DNAH11: variants seen among roughly 807,000 people sequenced by gnomAD.
DNAH11 encodes the protein dynein axonemal heavy chain 11.
A neutral mutation model predicts 526.0 loss-of-function variants in DNAH11; 442 were observed. The ratio of observed to expected loss-of-function variants is 0.84; its 90% confidence interval spans 0.78 to 0.91. The LOEUF is 0.91. DNAH11 is among the 40% of genes least tolerant of loss of function. DNAH11 has a pLI of 0.00. For synonymous variants in DNAH11, 2,461 were observed against 1,935.9 expected, an observed-to-expected ratio of 1.27 and a Z score of -7.12; for missense variants, 6,989 against 5,448.7, an observed-to-expected ratio of 1.28 and a Z score of -8.90.
rs1396104759 is a variant in DNAH11 at position 21,818,287 on chromosome 7, A to G, written c.10639A>G (p.Ile3547Val). 3 of 1,612,398 alleles carry G rather than the reference A, an allele frequency of 1.9e-6. No homozygotes were observed. The highest frequency in any genetic ancestry group is 2.5e-6 in the Non-Finnish European group (3 of 1,179,076). Residue 3547 changes from isoleucine to valine, a missense_variant, in exon 65 of 82, where the codon ATA becomes GTA. Physicochemically the swap from Ile to Val is conservative, Grantham distance 29. Transcript: ENST00000409508. ...VILIENLEET[I>V]DPVLDPLLGR... is the part of the protein sequence containing the mutation. ...CTTAATTGAAAATCTCGAGGAAACG[A>G]TAGATCCAGTCCTGGATCCACTACT...
In DNAH11 at chr7:21,570,184, A is replaced by G. The variant is rs1783829678; in HGVS notation, c.1310A>G (p.Tyr437Cys). 7 of 1,613,482 alleles carry G rather than the reference A, an allele frequency of 4.3e-6. No individual in the cohort carries two copies. The highest frequency in any genetic ancestry group is 5.9e-6 in the Non-Finnish European group (7 of 1,179,714). ...ACTTTCAAAAACTCCTTTTTCAACT[A>G]TAGAAAAAAATTGGCAAGCTACTTT... is the stretch of plus-strand genomic sequence containing the variant. ...LKTFKNSFFN[Y>C]RKKLASYFMG... The change falls in exon 7 of 82, where the codon TAT (tyrosine) becomes TGT (cysteine). Residue 437 changes from tyrosine to cysteine, a missense_variant. Coordinates refer to ENST00000409508, the MANE Select transcript of DNAH11 (RefSeq NM_001277115.2).
At position 21,738,795 on chromosome 7, in the gene DNAH11, G is replaced by T; in HGVS notation, c.7740G>T (p.Met2580Ile). 1 of 1,601,762 alleles carries T rather than the reference G, an allele frequency of 6.2e-7. No individual in the cohort carries two copies. The highest frequency in any genetic ancestry group is 1.1e-5 in the South Asian group (1 of 88,308). The part of the protein sequence containing the change: ...KLIYFIDDMN[M>I]PEVDLYGTVQ... ...TTTATTTTATCGACGACATGAACAT[G>T]CCTGAAGTGGACTTATATGGCACCG... Residue 2580 changes from methionine (M) to isoleucine (I), a missense_variant, in exon 47 of 82, where the codon ATG (methionine) becomes ATT (isoleucine). Transcript: ENST00000409508.
intron 68 of DNAH11, among the ~76,000 whole-genome samples, chr7:21,857,700 T>C (rs1187300663): frequency 6.6e-6 from 1 of 152,102 alleles, no homozygotes; most frequent in Non-Finnish European, 1.5e-5. Context: ...TGATTTTCAG[T>C]AGGGGTGCCA....
At chr7:21,897,247 C>T (rs559506188) in intron 79 of DNAH11, among the ~76,000 whole-genome samples, 1 of 152,242 alleles carries the variant, frequency 6.6e-6, no homozygotes, top group South Asian at 2.1e-4. Context: ...CAAGACTTCT[C>T]TATTTCCTGG....
At chr7:21,631,629 A>G (rs1298557208) in intron 25 of DNAH11, among the ~76,000 whole-genome samples, 1 of 152,264 alleles carries the variant, frequency 6.6e-6, no homozygotes, top group Non-Finnish European at 1.5e-5. Flanking sequence ...TTAAAGCTCC[A>G]GAATGATCTT....
At chr7:21,652,425 C>G (rs1046934200) in intron 28 of DNAH11, among the ~76,000 whole-genome samples, 1 of 152,128 alleles carries the variant, frequency 6.6e-6, no homozygotes, top group Admixed American at 6.5e-5. Flanking sequence ...AAAAGATGCT[C>G]GTTCTGTACC....
intron 75 of DNAH11, among the ~76,000 whole-genome samples, chr7:21,883,722 C>T (rs1470409923): frequency 6.6e-6 from 1 of 152,160 alleles, no homozygotes; most frequent in Admixed American, 6.6e-5. Flanking sequence ...CAAACATGTT[C>T]TAGGGATGAC....
chr7:21,742,812 T>A (rs994195225), intron 49 of DNAH11, among the ~76,000 whole-genome samples: 5 of 152,234 alleles, frequency 3.3e-5, no homozygotes, highest in Non-Finnish European at 7.3e-5. Context: ...ATATAATGTC[T>A]TTGTCTGCGC....
chr7:21,591,000 A>G lies in DNAH11; in HGVS notation c.2252A>G (p.Lys751Arg), dbSNP rs377077037. Reference protein sequence around the residue: ...DIPDSALAIFKKRNTILKYIG... With the variant: ...DIPDSALAIFRKRNTILKYIG... Reference sequence around the variant, plus strand: ...CCAGATTCAGCTTTAGCCATCTTCAAGAAAAGGAACACTATTTTAAAGGTT... The same window carrying G: ...CCAGATTCAGCTTTAGCCATCTTCAGGAAAAGGAACACTATTTTAAAGGTT... The change falls in exon 13 of 82, where the codon AAG becomes AGG. Residue 751 changes from lysine to arginine, a missense_variant. Lys to Arg is a conservative substitution (Grantham distance 26). Transcript: ENST00000409508. 50 of 1,516,934 alleles carry G rather than the reference A, an allele frequency of 3.3e-5. No homozygotes were observed. Among genetic ancestry groups the G allele is most frequent in the Non-Finnish European group, 3.9e-5 (45 of 1,142,702 alleles). 94.0% of individuals were successfully genotyped at this position (1,516,934 alleles called of 1,614,324 possible).
At chr7:21,638,221 T>C (rs1786958413) in intron 27 of DNAH11, among the ~76,000 whole-genome samples, 1 of 152,238 alleles carries the variant, frequency 6.6e-6, no homozygotes, top group Non-Finnish European at 1.5e-5. Flanking sequence ...TGAGCAGATC[T>C]GCTACTAAAA....
chr7:21,832,357 C>T (rs1781820531), intron 65 of DNAH11, among the ~76,000 whole-genome samples: 3 of 152,128 alleles, frequency 2.0e-5, no homozygotes, highest in Admixed American at 2.0e-4. Flanking sequence ...TCAGGAAAGG[C>T]CTGGTGGTGA....
In DNAH11 at chr7:21,738,751, G is replaced by A. The variant is rs1399609437; in HGVS notation, c.7696G>A (p.Gly2566Arg). 1.3e-6 allele frequency: 2 copies of A among 1,587,288 alleles called. No individual in the cohort carries two copies. Among genetic ancestry groups the A allele is most frequent in the Non-Finnish European group, 1.7e-6 (2 of 1,166,174 alleles). ...EKKAGHNYGP[G>R]GNKKLIYFID... ...AAAAGCTGGTCATAACTATGGTCCT[G>A]GAGGAAATAAAAAATTGATTTATTT... The change falls in exon 47 of 82, where the codon GGA (glycine) becomes AGA (arginine). Residue 2566 changes from glycine (G) to arginine (R), a missense_variant. Gly to Arg is a moderately radical substitution (Grantham distance 125, BLOSUM62 -2). Transcript: ENST00000409508.
chr7:21,818,804 T>A (rs956011342), intron 65 of DNAH11, among the ~76,000 whole-genome samples: 1 of 152,142 alleles, frequency 6.6e-6, no homozygotes, highest in African/African-American at 2.4e-5. Context: ...ATGTAACCAT[T>A]CGGAAAAGGA....
intron 74 of DNAH11, among the ~76,000 whole-genome samples, chr7:21,874,192 A>AG: frequency 6.6e-6 from 1 of 151,102 alleles, no homozygotes; most frequent in East Asian, 1.9e-4. Flanking sequence ...CAGTAATGAC[A>AG]TGGTAAAAGT....
intron 62 of DNAH11, among the ~76,000 whole-genome samples, chr7:21,802,418 C>T (rs1455195453): frequency 6.6e-6 from 1 of 152,072 alleles, no homozygotes; most frequent in Non-Finnish European, 1.5e-5. Context: ...TGCAGTTCCT[C>T]AAAACGTTAA....
intron 35 of DNAH11, among the ~76,000 whole-genome samples, chr7:21,691,153 CATA>C (rs1583597998): frequency 7.0e-6 from 1 of 142,940 alleles, no homozygotes; most frequent in Non-Finnish European, 1.5e-5. Flanking sequence ...TTATTATAAA[CATA>C]ATCTTTCATA....
chr7:21,806,751 T>G (rs554094691), intron 62 of DNAH11, among the ~76,000 whole-genome samples: 2 of 152,206 alleles, frequency 1.3e-5, no homozygotes, highest in Non-Finnish European at 2.9e-5. Flanking sequence ...CAAAATAAAT[T>G]AGTGAACTAC....
Position 21,543,540 on chromosome 7 carries a change from C to G in DNAH11, c.295C>G (p.Pro99Ala), listed in dbSNP as rs992285091. Residue 99 changes from proline (P) to alanine (A), a missense_variant, in exon 1 of 82, where the codon CCG becomes GCG. Pro to Ala is a conservative substitution (Grantham distance 27). Transcript: ENST00000409508. The stretch of plus-strand genomic sequence containing the variant: ...TGGGGAGTTTCTGGAAAGCACCAGC[C>G]CGGCTTGCCTTGTGTTTAGCTTCGC... ...VLGEFLESTSPACLVFSFAAS... is the reference protein window; with the variant it reads ...VLGEFLESTSAACLVFSFAAS... The G allele has an allele frequency of 3.7e-6, 6 of 1,609,480 alleles. No individual in the cohort carries two copies. In the Admixed American group the frequency reaches 5.0e-5, roughly 14 times the overall value.
intron 46 of DNAH11, 45 bp downstream of exon 46, chr7:21,735,889 A>T: frequency 1.3e-6 from 2 of 1,537,880 alleles, no homozygotes. Flanking sequence ...ATCAAAAATC[A>T]TCAAGGCGGG....
Sources: gnomAD v4.1 joint callset for allele counts (sites outside exome capture counted in the v4.1 genomes callset) on GRCh38, gnomAD v4.1.1 for gene constraint, MANE v1.5 for transcripts, NCBI Gene and HGNC (gene_info 2026-07-23, HGNC 2026-07-21) for gene names.